Variants in TMEM9B observed in about 807,000 individuals in gnomAD.
The protein encoded by TMEM9B is transmembrane protein 9B.
Under a neutral mutation model 23.5 loss-of-function variants are expected in TMEM9B, and 8 were observed. The observed-to-expected ratio is 0.34, with a 90% CI of 0.20 to 0.61. TMEM9B has a LOEUF of 0.61. Ranked by LOEUF, TMEM9B falls within the 20% of genes least tolerant of loss-of-function variation. TMEM9B has a pLI of 0.78. For synonymous variants in TMEM9B, 106 were observed against 96.3 expected, an observed-to-expected ratio of 1.10 and a Z score of -0.59; for missense variants, 197 against 252.3, an observed-to-expected ratio of 0.78 and a Z score of 1.49.
At chr11:8,964,569 C>T (rs914235444), upstream of TMEM9B, 3 of 1,072,356 alleles carry the variant, frequency 2.8e-6, no homozygotes, top group African/African-American at 1.7e-5. Flanking sequence ...GCCCCGGCCC[C>T]GGGACGGAAG....
At chr11:8,956,729 G>T (rs1484476124) in intron 2 of TMEM9B, among the ~76,000 whole-genome samples, 1 of 152,098 alleles carries the variant, frequency 6.6e-6, no homozygotes, top group Non-Finnish European at 1.5e-5. Flanking sequence ...TTTTGTTGTT[G>T]TTTTTTAAGA....
intron 4 of TMEM9B, 172 bp downstream of exon 4, chr11:8,953,031 A>G (rs1853912191): frequency 2.7e-6 from 2 of 742,874 alleles, no homozygotes; most frequent in Non-Finnish European, 2.3e-6. Context: ...GGCTTCATCA[A>G]GCAATTTCTT....
intron 4 of TMEM9B, among the ~76,000 whole-genome samples, chr11:8,952,249 T>TATACACACAC (rs1555228002): frequency 1.6e-5 from 2 of 122,648 alleles, no homozygotes; most frequent in East Asian, 2.4e-4. Context: ...GCCAACTATA[T>TATACACACAC]ACACACACAC....
intron 3 of TMEM9B, 61 bp from the exon 4 acceptor site, chr11:8,953,398 T>A: frequency 6.4e-7 from 1 of 1,557,224 alleles, no homozygotes; most frequent in East Asian, 2.3e-5. Flanking sequence ...GAACTTTGTA[T>A]GATAATAGTA....
In TMEM9B at chr11:8,957,543, C is replaced by A. The variant is rs888943314; in HGVS notation, c.198-1245G>T. Among the ~76,000 whole-genome samples the A allele has an allele frequency of 6.6e-6, 1 of 152,228 alleles. No individual in the cohort carries two copies. The highest frequency in any genetic ancestry group is 2.4e-5 in the African/African-American group (1 of 41,458). On this transcript the variant is annotated intron_variant, in intron 2 of 4. Coordinates refer to ENST00000534025, the MANE Select transcript of TMEM9B (RefSeq NM_020644.3). This position sits in a 1 kb window ranked among gnomAD's most constrained non-coding sequence, Gnocchi z 4.3. The stretch of plus-strand genomic sequence containing the variant: ...ACTCTACTACACCATCCTATCTTAT[C>A]TTACCCATTCTCTTGGGGACACCCA...
intron 4 of TMEM9B, among the ~76,000 whole-genome samples, chr11:8,951,013 A>T (rs907490943): frequency 6.6e-6 from 1 of 152,242 alleles, no homozygotes; most frequent in Non-Finnish European, 1.5e-5. Context: ...TCAGTTTAAA[A>T]GACATCCAAG....
intron 3 of TMEM9B, among the ~76,000 whole-genome samples, chr11:8,953,774 T>C (rs947747493): frequency 6.6e-6 from 1 of 152,166 alleles, no homozygotes; most frequent in Non-Finnish European, 1.5e-5. Flanking sequence ...ATAAAATAAA[T>C]AGACAATACC....
intron 1 of TMEM9B, chr11:8,963,856 G>C (rs141597272): frequency 2.3e-5 from 6 of 262,768 alleles, no homozygotes; most frequent in African/African-American, 1.4e-4. Flanking sequence ...AGAGCTTAGG[G>C]TGGAAAGTTA....
At chr11:8,964,035 G>C in intron 1 of TMEM9B, 174 bp downstream of exon 1, 1 of 645,590 alleles carries the variant, frequency 1.5e-6, no homozygotes, top group South Asian at 2.1e-5. Context: ...GGGCGAGAGT[G>C]CCGCCGGGCA....
chr11:8,952,792 A>T, intron 4 of TMEM9B: 1 of 312,438 alleles, frequency 3.2e-6, no homozygotes, highest in Non-Finnish European at 5.9e-6. Flanking sequence ...TTAAGAAAAG[A>T]ACATCATGAT....
chr11:8,954,491 G>A (rs974707172), intron 3 of TMEM9B, among the ~76,000 whole-genome samples: 10 of 152,036 alleles, frequency 6.6e-5, no homozygotes, highest in Admixed American at 3.9e-4. Flanking sequence ...GTTTCACCAC[G>A]TTGGACAGGC....
At chr11:8,952,758 A>C (rs1451529140) in intron 4 of TMEM9B, 1 of 221,086 alleles carries the variant, frequency 4.5e-6, no homozygotes, top group Non-Finnish European at 8.9e-6. Flanking sequence ...ATAAAACATC[A>C]GCAGGTTATC....
intron 1 of TMEM9B, among the ~76,000 whole-genome samples, 162 bp from the exon 2 acceptor site, chr11:8,962,345 C>A (rs1038511860): frequency 1.3e-5 from 2 of 152,132 alleles, no homozygotes; most frequent in African/African-American, 4.8e-5. Context: ...AAGCCACAGT[C>A]CTTTATGGTA....
intron 2 of TMEM9B, among the ~76,000 whole-genome samples, chr11:8,958,732 C>T (rs773103449): frequency 6.6e-6 from 1 of 151,468 alleles, no homozygotes; most frequent in Admixed American, 6.6e-5. Context: ...CTACCATGCC[C>T]GACTAATTTT....
Position 8,962,081 on chromosome 11 carries a change from C to G in TMEM9B, c.197+11G>C, listed in dbSNP as rs1398792838. 1.3e-6 allele frequency: 2 copies of G among 1,519,418 alleles called. No homozygotes were observed. Among genetic ancestry groups the G allele is most frequent in the Non-Finnish European group, 1.8e-6 (2 of 1,112,180 alleles). 94.1% of individuals were successfully genotyped at this position (1,519,418 alleles called of 1,614,324 possible). On this transcript the variant is annotated intron_variant, in intron 2 of 4. Transcript: ENST00000534025. The stretch of plus-strand genomic sequence containing the variant: ...AAATGTGACAGGTAATTCAGTAATC[C>G]AGATACTTACCAATCTTTCTGAGAT...
intron 1 of TMEM9B, 49 bp downstream of exon 1, chr11:8,964,160 G>C: frequency 1.3e-6 from 2 of 1,532,894 alleles, no homozygotes; most frequent in South Asian, 2.4e-5. Flanking sequence ...CCGCAAGGCC[G>C]GTGGTAGGGG....
intron 2 of TMEM9B, among the ~76,000 whole-genome samples, chr11:8,960,208 T>A (rs540830728): frequency 1.4e-5 from 2 of 142,104 alleles, no homozygotes; most frequent in South Asian, 2.4e-4. Context: ...AGTGGCACAA[T>A]CTCAGCTCAC....
intron 3 of TMEM9B, among the ~76,000 whole-genome samples, chr11:8,953,918 C>G (rs1019826050): frequency 6.6e-6 from 1 of 152,148 alleles, no homozygotes; most frequent in Non-Finnish European, 1.5e-5. Flanking sequence ...AAGGAATTAA[C>G]CCAAGAGAAT....
rs914832817 is a variant in TMEM9B, at chr11:8,953,323, A to C, written c.321T>G (p.Ile107Met). Residue 107 changes from isoleucine (I) to methionine (M), a missense_variant, in exon 4 of 5, where the codon ATT becomes ATG. Coordinates refer to ENST00000534025, the MANE Select transcript of TMEM9B (RefSeq NM_020644.3). The part of the protein sequence containing the change: ...SSVTIKVTII[I>M]YLSILGLLLL... ...GTAGAAGGCCCAAAATGGAGAGATA[A>C]ATTATAATGGTAACCTAAAGGAAAT... 8.7e-6 allele frequency: 14 copies of C among 1,613,848 alleles called. No individual in the cohort carries two copies. Among genetic ancestry groups the C allele is most frequent in the Non-Finnish European group, 1.2e-5 (14 of 1,179,942 alleles).
Sources: allele counts gnomAD v4.1 joint callset (sites outside exome capture counted in the v4.1 genomes callset), GRCh38; gene constraint gnomAD v4.1.1; non-coding constraint Gnocchi (gnomAD v3.1); transcripts MANE v1.5; gene names NCBI Gene and HGNC (gene_info 2026-07-23, HGNC 2026-07-21).